IMMP2L: variants seen among roughly 807,000 people sequenced by gnomAD.
The protein encoded by IMMP2L is mitochondrial inner membrane protease subunit 2.
In IMMP2L, 18 loss-of-function variants were observed where a neutral mutation model predicts 19.3. The observed-to-expected ratio is 0.93, with a 90% CI of 0.64 to 1.38. The LOEUF (loss-of-function observed/expected upper bound fraction) is 1.38. IMMP2L is among the 40% of genes most tolerant of loss of function. IMMP2L has a pLI of 0.00. For synonymous variants in IMMP2L, 76 were observed against 73.0 expected (o/e 1.04, Z -0.21); for missense variants, 233 against 218.2 (o/e 1.07, Z -0.43).
intron 5 of IMMP2L, among the ~76,000 whole-genome samples, chr7:110,670,689 C>CAAA (rs376027021): frequency 3.3e-5 from 3 of 91,608 alleles, no homozygotes; most frequent in African/African-American, 1.0e-4. Flanking sequence ...GACTCCGTCT[C>CAAA]AAAAAAAAAA....
At chr7:111,214,502 C>G (rs1586864067) in intron 3 of IMMP2L, among the ~76,000 whole-genome samples, 1 of 102,492 alleles carries the variant, frequency 9.8e-6, no homozygotes, top group African/African-American at 3.6e-5. Context: ...GCCACCAAAT[C>G]TGTTTTTTTT....
rs1800080719 is a variant in IMMP2L at position 110,786,404 on chromosome 7, A to G, written c.408+100189T>C. ...ATCTGTTTTATCTTTTCACGGAGTA[A>G]AGATGCTAAAAATAGCATGGGCTTA... On this transcript the variant is annotated intron_variant, in intron 5 of 5. Transcript: ENST00000405709. Among the ~76,000 whole-genome samples, 3 of 151,992 alleles carry G rather than the reference A, an allele frequency of 2.0e-5. 1 individual carries two copies. In the South Asian group the frequency reaches 6.2e-4, roughly 31 times the overall value.
chr7:110,736,822 C>A (rs1210005729), intron 5 of IMMP2L, among the ~76,000 whole-genome samples: 3 of 152,136 alleles, frequency 2.0e-5, no homozygotes, highest in Non-Finnish European at 4.4e-5. Context: ...TAAATCATAC[C>A]TTGAGTCTCA....
chr7:111,019,336 G>A (rs1258603944), intron 3 of IMMP2L, among the ~76,000 whole-genome samples: 1 of 152,122 alleles, frequency 6.6e-6, no homozygotes, highest in African/African-American at 2.4e-5. Context: ...TATCCTTGCT[G>A]TGCTTGAACA....
chr7:111,328,677 T>C (rs1281993581), intron 3 of IMMP2L, among the ~76,000 whole-genome samples: 1 of 151,844 alleles, frequency 6.6e-6, no homozygotes, highest in African/African-American at 2.4e-5. Context: ...GGGATGTTCA[T>C]AATGCTGAAG....
Position 111,521,442 on chromosome 7 carries a change from T to C in IMMP2L, c.6A>G (p.Ala2=). The change falls in exon 2 of 6, where the codon GCA becomes GCG. Residue 2 remains alanine, a synonymous_variant. Transcript: ENST00000405709. M[A]QSQGWVKRYI... ...ATCTTTTCACCCACCCTTGTGACTG[T>C]GCCATACCTAAAAATACAAAGAAAA... 1.9e-6 allele frequency: 3 copies of C among 1,597,018 alleles called. No individual in the cohort carries two copies. The highest frequency in any genetic ancestry group is 2.6e-6 in the Non-Finnish European group (3 of 1,173,734).
chr7:110,952,440 G>C (rs1418321787), intron 4 of IMMP2L, among the ~76,000 whole-genome samples: 1 of 152,068 alleles, frequency 6.6e-6, no homozygotes, highest in Non-Finnish European at 1.5e-5. Context: ...ATACACAAAT[G>C]CACTAACCAG....
chr7:111,343,424 G>GCCTA (rs1248761163), intron 3 of IMMP2L, among the ~76,000 whole-genome samples: 2 of 151,950 alleles, frequency 1.3e-5, no homozygotes, highest in Non-Finnish European at 2.9e-5. Flanking sequence ...TATCACCTCT[G>GCCTA]CCTACCACAC....
chr7:110,884,438 A>G (rs1810002179), intron 5 of IMMP2L, among the ~76,000 whole-genome samples: 1 of 152,068 alleles, frequency 6.6e-6, no homozygotes, highest in Admixed American at 6.6e-5. Flanking sequence ...AATTATCACA[A>G]TTTTAAAATA....
intron 4 of IMMP2L, among the ~76,000 whole-genome samples, chr7:110,956,884 A>G (rs919961324): frequency 1.3e-5 from 2 of 151,998 alleles, no homozygotes; most frequent in Non-Finnish European, 2.9e-5. Context: ...GTTGCCTCAC[A>G]TTGACTTGCT....
At chr7:111,057,902 T>C (rs1042923164) in intron 3 of IMMP2L, among the ~76,000 whole-genome samples, 1 of 152,210 alleles carries the variant, frequency 6.6e-6, no homozygotes, top group Non-Finnish European at 1.5e-5. Context: ...ACTGTATGTA[T>C]GGATTTATAT....
At chr7:111,209,367 A>G (rs1811064783) in intron 3 of IMMP2L, among the ~76,000 whole-genome samples, 1 of 147,586 alleles carries the variant, frequency 6.8e-6, no homozygotes, top group African/African-American at 2.5e-5. Flanking sequence ...ACTGCACTCC[A>G]GCCTCGGCGA....
chr7:111,364,434 G>C (rs1472553524), intron 3 of IMMP2L, among the ~76,000 whole-genome samples: 1 of 151,872 alleles, frequency 6.6e-6, no homozygotes, highest in Non-Finnish European at 1.5e-5. Context: ...TACATAATGT[G>C]TCTTAGTCAC....
At chr7:111,325,419 GT>G (rs1036229414) in intron 3 of IMMP2L, among the ~76,000 whole-genome samples, 8 of 151,378 alleles carry the variant, frequency 5.3e-5, no homozygotes, top group Non-Finnish European at 1.0e-4. Context: ...TAAATATAAT[GT>G]TTTAATTCCA....
chr7:111,350,938 G>A (rs574014566), intron 3 of IMMP2L, among the ~76,000 whole-genome samples: 1 of 152,216 alleles, frequency 6.6e-6, no homozygotes, highest in East Asian at 1.9e-4. Context: ...TTCAATCATT[G>A]CATTTAGTAT....
intron 3 of IMMP2L, among the ~76,000 whole-genome samples, chr7:111,328,044 A>C (rs1479659363): frequency 6.6e-6 from 1 of 151,746 alleles, no homozygotes; most frequent in Non-Finnish European, 1.5e-5. Flanking sequence ...TAAACTAAAA[A>C]ATATTTTTAC....
In IMMP2L at chr7:111,213,079, C is replaced by T. The variant is rs561487116; in HGVS notation, c.240-249514G>A. 2.5e-4 allele frequency among the ~76,000 whole-genome samples: 38 copies of T among 152,348 alleles called. No individual in the cohort carries two copies. The highest frequency in any genetic ancestry group is 4.6e-4 in the Non-Finnish European group (31 of 68,038). ...ACAGCTGCAGCCACCCAAGTGGCGG[C>T]TCCAAACCCAGGCATTTCTACACTC... On this transcript the variant is annotated intron_variant, in intron 3 of 5. Coordinates refer to ENST00000405709, the MANE Select transcript of IMMP2L (RefSeq NM_032549.4). This position sits in a 1 kb window ranked among gnomAD's most constrained non-coding sequence, Gnocchi z 4.8.
rs541692963 is a variant in IMMP2L at position 111,445,963 on chromosome 7, C to A, written c.239+41275G>T. On this transcript the variant is annotated intron_variant, in intron 3 of 5. Coordinates refer to ENST00000405709, the MANE Select transcript of IMMP2L (RefSeq NM_032549.4). The stretch of plus-strand genomic sequence containing the variant: ...GGGGTGATGGACGCACCTGGAAAAT[C>A]GGGTCACTCCCACCCGAATATTGCG... Among the ~76,000 whole-genome samples, 374 of 152,190 alleles carry A rather than the reference C, an allele frequency of 2.5e-3. 1 individual carries two copies. Among genetic ancestry groups the A allele is most frequent in the African/African-American group, 7.7e-3 (320 of 41,520 alleles).
At chr7:110,853,256 T>C (rs1420135980) in intron 5 of IMMP2L, among the ~76,000 whole-genome samples, 1 of 152,008 alleles carries the variant, frequency 6.6e-6, no homozygotes, top group Admixed American at 6.6e-5. Flanking sequence ...GACTTGAAAT[T>C]TGTACTTTAT....
Sources: gnomAD v4.1 joint callset for allele counts (sites outside exome capture counted in the v4.1 genomes callset) on GRCh38, gnomAD v4.1.1 for gene constraint, Gnocchi (gnomAD v3.1) non-coding constraint, MANE v1.5 for transcripts, NCBI Gene and HGNC (gene_info 2026-07-23, HGNC 2026-07-21) for gene names.